The following ADGRB3 variants were observed in gnomAD, a reference collection of about 807,000 sequenced individuals.
ADGRB3 encodes brain-specific angiogenesis inhibitor 3.
ADGRB3 carries 37 observed loss-of-function variants against 193.4 expected under a neutral mutation model. The observed-to-expected ratio is 0.19, with a 90% CI of 0.15 to 0.25. The LOEUF is 0.25. Ranked by LOEUF, ADGRB3 falls within the 10% of genes least tolerant of loss-of-function variation. The pLI is 1.00. For synonymous variants in ADGRB3, 690 were observed against 644.2 expected (o/e 1.07, Z -1.08); for missense variants, 1,637 against 1,852.9 (o/e 0.88, Z 2.14).
chr6:68,701,619 G>A (rs1413581799), intron 3 of ADGRB3, among the ~76,000 whole-genome samples: 1 of 152,218 alleles, frequency 6.6e-6, no homozygotes, highest in Non-Finnish European at 1.5e-5. Flanking sequence ...TCATAGAGCA[G>A]CTTCTTGAAA....
chr6:68,856,836 C>T (rs1765000421), intron 3 of ADGRB3, among the ~76,000 whole-genome samples: 1 of 152,200 alleles, frequency 6.6e-6, no homozygotes, highest in Non-Finnish European at 1.5e-5. Context: ...GACAGCAGCC[C>T]TTCCCATCAC....
At chr6:68,848,783 G>A (rs970557273) in intron 3 of ADGRB3, among the ~76,000 whole-genome samples, 1 of 151,968 alleles carries the variant, frequency 6.6e-6, no homozygotes, top group Non-Finnish European at 1.5e-5. Flanking sequence ...CTTATAAGTC[G>A]TTATTCTCTC....
chr6:69,106,109 A>G (rs991240460), intron 17 of ADGRB3, among the ~76,000 whole-genome samples: 1 of 139,414 alleles, frequency 7.2e-6, no homozygotes, highest in African/African-American at 2.6e-5. Context: ...CAATGAGCTG[A>G]GATCGTGCCA....
At chr6:68,827,015 G>A (rs1767856894) in intron 3 of ADGRB3, among the ~76,000 whole-genome samples, 1 of 152,122 alleles carries the variant, frequency 6.6e-6, no homozygotes, top group South Asian at 2.1e-4. Context: ...ATAAATTTGA[G>A]TGGCATAAGC....
chr6:69,128,549 A>G (rs1773916773), intron 17 of ADGRB3, among the ~76,000 whole-genome samples: 1 of 152,146 alleles, frequency 6.6e-6, no homozygotes, highest in Admixed American at 6.6e-5. Flanking sequence ...CATACAGTAG[A>G]TATAAACTCA....
rs376696543 is a variant in ADGRB3, at chr6:68,718,173, T to C, written c.757+78741T>C. On this transcript the variant is annotated intron_variant, in intron 3 of 31. Transcript: ENST00000370598. ...TCTTAAATTATTAAGGAAGGGTGTTTAGGGATGTTTTAAAAAACCATGGAT... is the reference window on the plus strand; with the variant it reads ...TCTTAAATTATTAAGGAAGGGTGTTCAGGGATGTTTTAAAAAACCATGGAT... 4.0e-5 allele frequency among the ~76,000 whole-genome samples: 6 copies of C among 151,796 alleles called. No homozygotes were observed. In the East Asian group the frequency reaches 9.8e-4, roughly 25 times the overall value.
chr6:69,339,840 A>C (rs988694263), intron 26 of ADGRB3, among the ~76,000 whole-genome samples: 1 of 152,230 alleles, frequency 6.6e-6, no homozygotes, highest in Non-Finnish European at 1.5e-5. Flanking sequence ...GCATAGAGGC[A>C]TAAGTTTTAA....
chr6:69,351,095 C>CTTTT (rs10649928), intron 26 of ADGRB3, among the ~76,000 whole-genome samples: 16 of 139,262 alleles, frequency 1.1e-4, no homozygotes, highest in South Asian at 2.3e-4. Context: ...TCCCTAGATA[C>CTTTT]TTTTTTTTTT....
At chr6:69,260,181 T>A (rs562787543) in intron 20 of ADGRB3, among the ~76,000 whole-genome samples, 1 of 152,328 alleles carries the variant, frequency 6.6e-6, no homozygotes, top group Non-Finnish European at 1.5e-5. Context: ...CTATTAAAAA[T>A]TAATTTATTA....
At chr6:68,961,826 C>G (rs1282353829) in intron 8 of ADGRB3, among the ~76,000 whole-genome samples, 1 of 152,170 alleles carries the variant, frequency 6.6e-6, no homozygotes, top group East Asian at 1.9e-4. Flanking sequence ...GCTCCTATTT[C>G]ATTGGAATTT....
intron 21 of ADGRB3, among the ~76,000 whole-genome samples, chr6:69,326,883 A>G (rs1356533175): frequency 2.6e-5 from 4 of 152,046 alleles, no homozygotes; most frequent in Non-Finnish European, 5.9e-5. Context: ...TTATAATTTT[A>G]TATACATATA....
At chr6:69,180,947 C>G (rs182099190) in intron 17 of ADGRB3, among the ~76,000 whole-genome samples, 311 of 152,270 alleles carry the variant, frequency 2.0e-3, no homozygotes, top group African/African-American at 5.6e-3. Context: ...TTCCTGGTGT[C>G]TTTCCCTCAC....
intron 10 of ADGRB3, among the ~76,000 whole-genome samples, chr6:68,986,783 T>C (rs1769088866): frequency 3.3e-5 from 5 of 152,182 alleles, no homozygotes; most frequent in Admixed American, 2.6e-4. Flanking sequence ...TAGGAGTTGA[T>C]GCTGAAAATA....
intron 17 of ADGRB3, 71 bp downstream of exon 17, chr6:69,076,109 C>A: frequency 7.4e-7 from 1 of 1,342,976 alleles, no homozygotes; most frequent in South Asian, 1.2e-5. Flanking sequence ...GTTCAGCTGC[C>A]TGCTAGTTAA....
At chr6:69,307,168 G>A (rs1409368683) in intron 20 of ADGRB3, among the ~76,000 whole-genome samples, 1 of 151,198 alleles carries the variant, frequency 6.6e-6, no homozygotes, top group East Asian at 2.0e-4. Context: ...TGCATTCTCA[G>A]TAACTGCTCC....
intron 6 of ADGRB3, among the ~76,000 whole-genome samples, chr6:68,952,385 T>C (rs1262411324): frequency 6.6e-6 from 1 of 152,134 alleles, no homozygotes; most frequent in Non-Finnish European, 1.5e-5. Flanking sequence ...TGTGTTTATA[T>C]ATATATAGTC....
chr6:69,182,944 T>C (rs1201064251), intron 17 of ADGRB3, among the ~76,000 whole-genome samples: 9 of 152,182 alleles, frequency 5.9e-5, no homozygotes, highest in Admixed American at 3.3e-4. Flanking sequence ...AAACCAAGCA[T>C]GTCAATCTTG....
At position 69,219,458 on chromosome 6, in the gene ADGRB3, C is replaced by CACGTATATATAT. The variant is rs1765841668; in HGVS notation, c.2481-13830_2481-13819dup. 4.1e-5 allele frequency among the ~76,000 whole-genome samples: 3 copies of CACGTATATATAT among 72,776 alleles called. No homozygotes were observed. The South Asian group carries it at 1.7e-3, about 42-fold the overall frequency. The allele number at this position is 72,776 out of a possible 152,430, so 47.7% of individuals were successfully genotyped here. A position where few individuals can be genotyped will look rare whatever the true frequency, so the allele number is the denominator to read the frequency against. ...ATGCTTTAACTTAAAAATACACACA[C>CACGTATATATAT]ACGTATATATATATATATATATATA... is the stretch of plus-strand genomic sequence containing the variant. On this transcript the variant is annotated intron_variant, in intron 17 of 31. Transcript: ENST00000370598.
chr6:68,722,572 T>C (rs560581460), intron 3 of ADGRB3, among the ~76,000 whole-genome samples: 50 of 151,608 alleles, frequency 3.3e-4, no homozygotes, highest in Admixed American at 3.0e-3. Flanking sequence ...ACCTTGGATA[T>C]TGAGTCAATT....
Sources: gnomAD v4.1 joint callset for allele counts (sites outside exome capture counted in the v4.1 genomes callset) on GRCh38, gnomAD v4.1.1 for gene constraint, MANE v1.5 for transcripts, NCBI Gene and HGNC (gene_info 2026-07-23, HGNC 2026-07-21) for gene names.